The following ANK3 variants were observed in gnomAD, a reference collection of about 807,000 sequenced individuals.
ANK3 encodes the protein ankyrin 3, also known as ankyrin-3.
In ANK3, 57 loss-of-function variants were observed where a neutral mutation model predicts 370.9. The ratio of observed to expected loss-of-function variants is 0.15; its 90% CI spans 0.12 to 0.19. The LOEUF (loss-of-function observed/expected upper bound fraction) is 0.19, where lower values mean the gene tolerates loss of function less well. Ranked by LOEUF, ANK3 falls within the 10% of genes least tolerant of loss-of-function variation. ANK3 has a pLI of 1.00. For missense variants in ANK3, 4,439 were observed against 5,302.1 expected (o/e 0.84, Z 5.06); for synonymous variants, 1,929 against 1,946.3 (o/e 0.99, Z 0.23).
chr10:60,451,602 ACT>A (rs1178800575), intron 2 of ANK3, among the ~76,000 whole-genome samples: 2 of 152,156 alleles, frequency 1.3e-5, no homozygotes, highest in Non-Finnish European at 2.9e-5. Flanking sequence ...ACAGAATCAG[ACT>A]TTTTTGTCTT....
chr10:60,376,411 T>C (rs1387660894), intron 1 of ANK3, among the ~76,000 whole-genome samples: 1 of 152,192 alleles, frequency 6.6e-6, no homozygotes, highest in African/African-American at 2.4e-5. Flanking sequence ...AGAAAGCAGA[T>C]AAGAACATAA....
At chr10:60,527,015 C>T (rs1938542) in intron 2 of ANK3, among the ~76,000 whole-genome samples, 74,927 of 151,858 alleles carry the variant, frequency 0.49, 18,740 homozygotes, top group Middle Eastern at 0.54. Flanking sequence ...ATGTATACAT[C>T]TAATAAATAT....
At chr10:60,492,719 AAAAAAGAAAGAAAGAAAG>A (rs1264805700) in intron 2 of ANK3, among the ~76,000 whole-genome samples, 2 of 143,756 alleles carry the variant, frequency 1.4e-5, no homozygotes, top group African/African-American at 5.3e-5. Context: ...AAAAAAAAAA[AAAAAAGAAAGAAAGAAAG>A]AAAAAAAAAA....
At chr10:60,487,889 T>C (rs2075391096) in intron 2 of ANK3, among the ~76,000 whole-genome samples, 1 of 152,042 alleles carries the variant, frequency 6.6e-6, no homozygotes, top group Non-Finnish European at 1.5e-5. Flanking sequence ...TAATTTTGTA[T>C]TTTTAGTCGA....
At chr10:60,419,978 C>T (rs562643677) in intron 2 of ANK3, among the ~76,000 whole-genome samples, 6 of 152,170 alleles carry the variant, frequency 3.9e-5, no homozygotes, top group Non-Finnish European at 7.4e-5. Context: ...AGCAAATTAG[C>T]CAATGACCTC....
At chr10:60,702,790 T>C (rs2079562051) in intron 1 of ANK3, among the ~76,000 whole-genome samples, 1 of 152,182 alleles carries the variant, frequency 6.6e-6, no homozygotes, top group Non-Finnish European at 1.5e-5. Context: ...TGTGAATTTT[T>C]CAACAGTGGC....
chr10:60,362,066 T>C (rs575608539), intron 1 of ANK3, among the ~76,000 whole-genome samples: 5 of 152,334 alleles, frequency 3.3e-5, no homozygotes, highest in African/African-American at 7.2e-5. Context: ...GAAGGTTACT[T>C]CTCACATACA....
At chr10:60,707,681 T>A (rs1420439858) in intron 1 of ANK3, among the ~76,000 whole-genome samples, 1 of 151,766 alleles carries the variant, frequency 6.6e-6, no homozygotes, top group Non-Finnish European at 1.5e-5. Flanking sequence ...AAATTCAAGT[T>A]GATTTTGAAA....
In ANK3 at chr10:60,141,664, G is replaced by A. The variant is rs1444315293; in HGVS notation, c.2615-2577C>T. Among the ~76,000 whole-genome samples, 3 of 121,476 alleles carry A rather than the reference G, an allele frequency of 2.5e-5. No individual in the cohort carries two copies. In the Admixed American group the frequency reaches 3.2e-4, roughly 13 times the overall value. 79.7% of individuals were successfully genotyped at this position (121,476 alleles called of 152,430 possible). A position where few individuals can be genotyped will look rare whatever the true frequency, so the allele number is the denominator to read the frequency against. The stretch of plus-strand genomic sequence containing the variant: ...AAGTAAAGGGTTTAGAAACTGTCTT[G>A]CTGAAGTAAGCAGTCTTTTATAAGA... On this transcript the variant is annotated intron_variant, in intron 23 of 43. Coordinates refer to ENST00000280772, the MANE Select transcript of ANK3 (RefSeq NM_020987.5).
intron 2 of ANK3, among the ~76,000 whole-genome samples, chr10:60,585,825 A>G (rs976616144): frequency 8.5e-5 from 13 of 152,126 alleles, no homozygotes; most frequent in Admixed American, 6.5e-4. Flanking sequence ...GGAGTTCAAT[A>G]CCAGCCTGCC....
chr10:60,250,123 C>T (rs956768675), intron 7 of ANK3, among the ~76,000 whole-genome samples: 8 of 152,174 alleles, frequency 5.3e-5, no homozygotes, highest in Non-Finnish European at 1.2e-4. Context: ...TTTTTAAAGA[C>T]TTCCATGACT....
intron 9 of ANK3, among the ~76,000 whole-genome samples, chr10:60,208,959 A>G (rs966675800): frequency 6.6e-6 from 1 of 152,234 alleles, no homozygotes; most frequent in Admixed American, 6.5e-5. Context: ...TGGGTTCAAT[A>G]ACACAGTTAA....
chr10:60,250,389 G>A (rs2097634947), intron 7 of ANK3, among the ~76,000 whole-genome samples: 1 of 152,112 alleles, frequency 6.6e-6, no homozygotes, highest in Non-Finnish European at 1.5e-5. Context: ...TTTTGAGATG[G>A]AGTCTCGCTC....
At chr10:60,549,140 T>TAC (rs3047236) in intron 2 of ANK3, among the ~76,000 whole-genome samples, 2,331 of 145,594 alleles carry the variant, frequency 0.016, 30 homozygotes, top group Middle Eastern at 0.035. Context: ...GCATGTTTCA[T>TAC]ACACACACAC....
At chr10:60,322,314 C>T (rs1473105857) in intron 1 of ANK3, among the ~76,000 whole-genome samples, 1 of 152,098 alleles carries the variant, frequency 6.6e-6, no homozygotes, top group African/African-American at 2.4e-5. Flanking sequence ...ACCAGAAAAG[C>T]TTTGAAATAC....
intron 18 of ANK3, among the ~76,000 whole-genome samples, chr10:60,174,107 T>C (rs923329828): frequency 6.6e-6 from 1 of 152,180 alleles, no homozygotes; most frequent in South Asian, 2.1e-4. Flanking sequence ...CAAGGGTCTG[T>C]ATCTTATATG....
chr10:60,717,112 T>C (rs2079801945), intron 1 of ANK3, among the ~76,000 whole-genome samples: 3 of 152,298 alleles, frequency 2.0e-5, no homozygotes, highest in African/African-American at 4.8e-5. Context: ...AATCACAATG[T>C]AAAGCAATGT....
intron 26 of ANK3, among the ~76,000 whole-genome samples, chr10:60,111,967 A>G (rs2132106194): frequency 6.6e-6 from 1 of 152,328 alleles, no homozygotes; most frequent in Non-Finnish European, 1.5e-5. Context: ...CATCAGTGAA[A>G]TATTTCTAAG....
intron 16 of ANK3, among the ~76,000 whole-genome samples, chr10:60,190,096 C>T (rs995301434): frequency 4.6e-5 from 7 of 152,192 alleles, no homozygotes; most frequent in Admixed American, 2.0e-4. Flanking sequence ...ATCTACTTTT[C>T]AGTACCCCAA....
Sources: gnomAD v4.1 joint callset for allele counts (sites outside exome capture counted in the v4.1 genomes callset) on GRCh38, gnomAD v4.1.1 for gene constraint, MANE v1.5 for transcripts, NCBI Gene and HGNC (gene_info 2026-07-23, HGNC 2026-07-21) for gene names.